EHMT1: variants seen among roughly 807,000 people sequenced by gnomAD.
EHMT1 encodes histone-lysine N-methyltransferase EHMT1.
EHMT1 carries 15 observed loss-of-function variants against 147.2 expected under a neutral mutation model. The ratio of observed to expected loss-of-function variants is 0.10; its 90% CI spans 0.07 to 0.16. The LOEUF is 0.16. Among genes scored for constraint, EHMT1 ranks in the 10% least tolerant of loss-of-function variants. EHMT1 has a pLI of 1.00. For missense variants in EHMT1, 1,587 were observed against 1,772.4 expected, an observed-to-expected ratio of 0.90 and a Z score of 1.88; for synonymous variants, 795 against 709.6, an observed-to-expected ratio of 1.12 and a Z score of -1.91.
At chr9:137,686,640 A>C (rs1193771405) in intron 1 of EHMT1, among the ~76,000 whole-genome samples, 2 of 151,812 alleles carry the variant, frequency 1.3e-5, no homozygotes, top group African/African-American at 4.8e-5. Context: ...CTTGGCCTCC[A>C]AGAGTGCTGG....
Position 137,813,979 on chromosome 9 carries a change from T to G in EHMT1, c.3180+449T>G, listed in dbSNP as rs990744454. 6.6e-6 allele frequency among the ~76,000 whole-genome samples: 1 copy of G among 150,512 alleles called. No individual in the cohort carries two copies. Among genetic ancestry groups the G allele is most frequent in the Non-Finnish European group, 1.5e-5 (1 of 67,784 alleles). On this transcript the variant is annotated intron_variant, in intron 21 of 26. Coordinates refer to ENST00000460843, the MANE Select transcript of EHMT1 (RefSeq NM_024757.5). This position sits in a 1 kb window ranked among gnomAD's most constrained non-coding sequence, Gnocchi z 4.9. ...CATGCAGCCTGGTGCCCTCACTGCTTGCGCCTTCTCGAGCACTTTCCTTGT... is the reference window on the plus strand; with the variant it reads ...CATGCAGCCTGGTGCCCTCACTGCTGGCGCCTTCTCGAGCACTTTCCTTGT...
chr9:137,728,555 T>C lies in EHMT1; in HGVS notation c.823+26T>C, dbSNP rs41309984. On this transcript the variant is annotated intron_variant, in intron 4 of 26. Coordinates refer to ENST00000460843, the MANE Select transcript of EHMT1 (RefSeq NM_024757.5). ...GTAAAGAGGACCCGGCAACTGTCTC[T>C]GCTCTTTGAATGTATGTTTCGAGCC... is the stretch of plus-strand genomic sequence containing the variant. 2,852 of 1,614,004 alleles carry C rather than the reference T, an allele frequency of 1.8e-3. 2 individuals are homozygous for C. Among genetic ancestry groups the C allele is most frequent in the Non-Finnish European group, 2.1e-3 (2,507 of 1,179,960 alleles).
intron 2 of EHMT1, among the ~76,000 whole-genome samples, chr9:137,712,299 G>A (rs957719435): frequency 2.6e-5 from 4 of 152,134 alleles, no homozygotes; most frequent in South Asian, 2.1e-4. Context: ...ATTCCATTAC[G>A]CTTTAGGCTT....
chr9:137,669,874 G>A (rs1940345061), intron 1 of EHMT1, among the ~76,000 whole-genome samples: 3 of 151,854 alleles, frequency 2.0e-5, no homozygotes, highest in Non-Finnish European at 2.9e-5. Flanking sequence ...TTTTGGAGAC[G>A]GAGTCTTGCT....
Position 137,815,944 on chromosome 9 carries a change from C to T in EHMT1, c.3259-3C>T. On this transcript the variant is annotated splice_polypyrimidine_tract_variant and splice_region_variant and intron_variant, in intron 22 of 26. Coordinates refer to ENST00000460843, the MANE Select transcript of EHMT1 (RefSeq NM_024757.5). ...TGGGCCCTTGCTGCTCATCTGTCCA[C>T]AGGATGGCCGGCTCCTGCCAGAGTT... 6.2e-7 allele frequency: 1 copy of T among 1,600,326 alleles called. No individual in the cohort carries two copies. The highest frequency in any genetic ancestry group is 8.5e-7 in the Non-Finnish European group (1 of 1,173,622).
intron 15 of EHMT1, among the ~76,000 whole-genome samples, chr9:137,783,833 G>A (rs1951751107): frequency 6.6e-6 from 1 of 152,224 alleles, no homozygotes; most frequent in African/African-American, 2.4e-5. Context: ...AACTGATGGT[G>A]TTTTGTTACT....
intron 18 of EHMT1, among the ~76,000 whole-genome samples, chr9:137,804,672 T>C (rs1468203812): frequency 1.3e-5 from 2 of 152,236 alleles, no homozygotes; most frequent in African/African-American, 2.4e-5. Context: ...CCAAAGATAT[T>C]CTCCCACATT....
At chr9:137,656,379 CAAAAACAAAAACA>C (rs1193685404) in intron 1 of EHMT1, among the ~76,000 whole-genome samples, 2 of 152,044 alleles carry the variant, frequency 1.3e-5, no homozygotes, top group Non-Finnish European at 2.9e-5. Flanking sequence ...GACTCCATCT[CAAAAACAAAAACA>C]AAAAACAAAA....
rs571923968 is a variant in EHMT1, at chr9:137,713,555, A to G, written c.85+2525A>G. Among the ~76,000 whole-genome samples the G allele has an allele frequency of 4.6e-5, 7 of 151,298 alleles. No individual in the cohort carries two copies. In the South Asian group the frequency reaches 1.5e-3, roughly 32 times the overall value. On this transcript the variant is annotated intron_variant, in intron 2 of 26. Transcript: ENST00000460843. ...CAAAGTGCTGGGATTACAGGCGTGA[A>G]CCACTGTGCCTGGCCCCTAAGTATT...
At chr9:137,754,708 G>T (rs1949242260) in intron 8 of EHMT1, among the ~76,000 whole-genome samples, 1 of 152,076 alleles carries the variant, frequency 6.6e-6, no homozygotes, top group South Asian at 2.1e-4. Context: ...GTAGAGATGG[G>T]GTTTTGCTAT....
At chr9:137,818,601 A>G (rs59454257) in intron 25 of EHMT1, among the ~76,000 whole-genome samples, 1,054 of 33,462 alleles carry the variant, frequency 0.031, 36 homozygotes, top group African/African-American at 0.13. Flanking sequence ...GAGGGGCGCC[A>G]TGTACCGAGA....
intron 1 of EHMT1, among the ~76,000 whole-genome samples, chr9:137,673,396 T>C (rs1940901481): frequency 6.6e-6 from 1 of 152,212 alleles, no homozygotes; most frequent in African/African-American, 2.4e-5. Context: ...CATTTTTTCA[T>C]GGTGTGTAAG....
intron 14 of EHMT1, among the ~76,000 whole-genome samples, chr9:137,781,912 G>A (rs1951586632): frequency 6.6e-6 from 1 of 152,204 alleles, no homozygotes; most frequent in Non-Finnish European, 1.5e-5. Flanking sequence ...CCGATGCTCA[G>A]GCCTCTGTCC....
intron 10 of EHMT1, among the ~76,000 whole-genome samples, chr9:137,768,182 G>A (rs1171264226): frequency 6.6e-6 from 1 of 152,102 alleles, no homozygotes; most frequent in Admixed American, 6.6e-5. Flanking sequence ...AGAACACACC[G>A]TGTTGTTACG....
intron 1 of EHMT1, among the ~76,000 whole-genome samples, chr9:137,627,244 C>T (rs1409980279): frequency 6.6e-6 from 1 of 151,248 alleles, no homozygotes; most frequent in Non-Finnish European, 1.5e-5. Flanking sequence ...AGGCATGAAC[C>T]ACCATGCCTG....
chr9:137,778,262 T>C (rs1251222622), intron 13 of EHMT1, among the ~76,000 whole-genome samples: 1 of 152,262 alleles, frequency 6.6e-6, no homozygotes, highest in African/African-American at 2.4e-5. Flanking sequence ...CTGACACCTT[T>C]GAAGTCCTAA....
intron 1 of EHMT1, among the ~76,000 whole-genome samples, chr9:137,703,167 C>G (rs138168023): frequency 6.6e-6 from 1 of 152,186 alleles, no homozygotes; most frequent in East Asian, 1.9e-4. Context: ...GCAGCAAGGC[C>G]CTGGGTCTGG....
intron 10 of EHMT1, among the ~76,000 whole-genome samples, chr9:137,768,058 A>C (rs1950325500): frequency 6.6e-6 from 1 of 152,144 alleles, no homozygotes; most frequent in African/African-American, 2.4e-5. Context: ...TTTGTAGCCG[A>C]GGAGCAACAT....
chr9:137,653,491 C>T (rs988866203), intron 1 of EHMT1, among the ~76,000 whole-genome samples: 12 of 152,070 alleles, frequency 7.9e-5, no homozygotes, highest in Admixed American at 6.6e-4. Context: ...TAAGACAGTG[C>T]TTGGCACACG....
Sources: gnomAD v4.1 joint callset for allele counts (sites outside exome capture counted in the v4.1 genomes callset) on GRCh38, gnomAD v4.1.1 for gene constraint, Gnocchi (gnomAD v3.1) non-coding constraint, MANE v1.5 for transcripts, NCBI Gene and HGNC (gene_info 2026-07-23, HGNC 2026-07-21) for gene names.